Variants in RIT2 observed in about 807,000 individuals in gnomAD.
RIT2 encodes Ras like without CAAX 2.
Under a neutral mutation model 23.7 loss-of-function variants are expected in RIT2, and 24 were observed. The ratio of observed to expected loss-of-function variants is 1.01; its 90% CI spans 0.73 to 1.43. RIT2 has a LOEUF of 1.43. Among genes scored for constraint, RIT2 ranks in the 40% most tolerant of loss-of-function variants. The probability of loss-of-function intolerance (pLI) is 0.00; values close to 1 mark genes in which losing one functional copy is unlikely to be tolerated. For missense variants in RIT2, 236 were observed against 266.9 expected, an observed-to-expected ratio of 0.88 and a Z score of 0.81; for synonymous variants, 107 against 91.1, an observed-to-expected ratio of 1.17 and a Z score of -0.99.
intron 3 of RIT2, among the ~76,000 whole-genome samples, chr18:42,941,094 G>A (rs1344135126): frequency 6.6e-6 from 1 of 152,126 alleles, no homozygotes; most frequent in Non-Finnish European, 1.5e-5. Flanking sequence ...CAACATTTAA[G>A]GGAAAGGAGC....
chr18:42,840,607 T>C (rs780791420), intron 4 of RIT2, among the ~76,000 whole-genome samples: 7 of 152,182 alleles, frequency 4.6e-5, no homozygotes, highest in Non-Finnish European at 8.8e-5. Context: ...GCTCAAGCGA[T>C]TCTCTTGCCT....
At chr18:43,074,109 G>A (rs1456584520) in intron 1 of RIT2, among the ~76,000 whole-genome samples, 1 of 152,134 alleles carries the variant, frequency 6.6e-6, no homozygotes, top group Non-Finnish European at 1.5e-5. Flanking sequence ...CACAATTACA[G>A]ATAGTAACTT....
chr18:42,763,540 G>A (rs1193079652), intron 4 of RIT2, among the ~76,000 whole-genome samples: 1 of 151,660 alleles, frequency 6.6e-6, no homozygotes, highest in Non-Finnish European at 1.5e-5. Context: ...GCTCCCATGA[G>A]TCAGTGAGTG....
intron 2 of RIT2, among the ~76,000 whole-genome samples, chr18:42,985,724 A>G (rs1044164433): frequency 6.6e-6 from 1 of 152,132 alleles, no homozygotes; most frequent in Non-Finnish European, 1.5e-5. Flanking sequence ...TTGCTACCAT[A>G]CACTATATAC....
intron 1 of RIT2, among the ~76,000 whole-genome samples, chr18:43,041,307 T>C (rs957058075): frequency 1.3e-5 from 2 of 152,168 alleles, no homozygotes; most frequent in African/African-American, 4.8e-5. Flanking sequence ...AAATAAAGAA[T>C]GCTTAGTAGA....
chr18:43,070,620 A>G (rs1390474034), intron 1 of RIT2, among the ~76,000 whole-genome samples: 3 of 152,222 alleles, frequency 2.0e-5, no homozygotes, highest in Non-Finnish European at 4.4e-5. Flanking sequence ...TAAGGGAAGC[A>G]GCTTTTATTG....
At chr18:42,793,149 C>G (rs1034298613) in intron 4 of RIT2, among the ~76,000 whole-genome samples, 11 of 152,060 alleles carry the variant, frequency 7.2e-5, no homozygotes, top group Admixed American at 2.6e-4. Context: ...AATATAAGAC[C>G]TGCTAGTAGT....
chr18:42,932,474 A>C (rs1324673797), intron 3 of RIT2, among the ~76,000 whole-genome samples: 3 of 152,132 alleles, frequency 2.0e-5, no homozygotes, highest in African/African-American at 7.2e-5. Flanking sequence ...TTAAGACCCT[A>C]TATAATCTGA....
chr18:42,778,356 T>A (rs1156847800), intron 4 of RIT2, among the ~76,000 whole-genome samples: 2 of 152,234 alleles, frequency 1.3e-5, no homozygotes, highest in African/African-American at 4.8e-5. Context: ...GAAATCTTAC[T>A]GTCATCATTT....
intron 3 of RIT2, among the ~76,000 whole-genome samples, chr18:42,927,369 G>GGGGT (rs1909207484): frequency 6.8e-6 from 1 of 147,834 alleles, no homozygotes; most frequent in African/African-American, 2.5e-5. Flanking sequence ...ATGTGGATGT[G>GGGGT]GTGTGTGTGT....
Position 43,021,250 on chromosome 18 carries a change from G to T in RIT2, c.160+12561C>A, listed in dbSNP as rs139761161. Among the ~76,000 whole-genome samples, 551 of 152,074 alleles carry T rather than the reference G, an allele frequency of 3.6e-3. 3 individuals are homozygous for T. The highest frequency in any genetic ancestry group is 0.011 in the African/African-American group (466 of 41,470). Reference sequence around the variant, plus strand: ...CTCGAAAGGATATTTCTCAATAGATGACACGCAAATGTCCAAGAAGTATAC... The same window carrying T: ...CTCGAAAGGATATTTCTCAATAGATTACACGCAAATGTCCAAGAAGTATAC... On this transcript the variant is annotated intron_variant, in intron 2 of 4. Coordinates refer to ENST00000326695, the MANE Select transcript of RIT2 (RefSeq NM_002930.4).
chr18:42,832,257 C>A (rs1246099521), intron 4 of RIT2, among the ~76,000 whole-genome samples: 2 of 152,160 alleles, frequency 1.3e-5, no homozygotes, highest in African/African-American at 2.4e-5. Flanking sequence ...ATGAAACCAA[C>A]CATTACATTT....
intron 2 of RIT2, among the ~76,000 whole-genome samples, chr18:42,975,127 AT>A (rs1275391149): frequency 6.6e-6 from 1 of 151,974 alleles, no homozygotes; most frequent in South Asian, 2.1e-4. Flanking sequence ...GGCATCTGCT[AT>A]TTTTTTGACT....
intron 1 of RIT2, among the ~76,000 whole-genome samples, chr18:43,044,712 C>T (rs914037147): frequency 1.3e-5 from 2 of 152,114 alleles, no homozygotes; most frequent in African/African-American, 4.8e-5. Context: ...GGTTGAGGGA[C>T]AGATTAGAAA....
At chr18:43,001,322 C>T (rs1911099147) in intron 2 of RIT2, among the ~76,000 whole-genome samples, 1 of 151,754 alleles carries the variant, frequency 6.6e-6, no homozygotes, top group South Asian at 2.1e-4. Context: ...TTTATTGTGG[C>T]TCTAGGGGAC....
At chr18:43,051,766 T>TA (rs1912389927) in intron 1 of RIT2, among the ~76,000 whole-genome samples, 1 of 152,168 alleles carries the variant, frequency 6.6e-6, no homozygotes, top group Non-Finnish European at 1.5e-5. Context: ...AGGAGGGATA[T>TA]AAGCCTTGTT....
At chr18:43,059,559 A>G (rs1333661357) in intron 1 of RIT2, among the ~76,000 whole-genome samples, 1 of 152,154 alleles carries the variant, frequency 6.6e-6, no homozygotes, top group Non-Finnish European at 1.5e-5. Context: ...CTCTCCATCT[A>G]TCTAAATTAA....
intron 2 of RIT2, among the ~76,000 whole-genome samples, chr18:43,024,583 A>G (rs1911667070): frequency 6.6e-6 from 1 of 152,080 alleles, no homozygotes; most frequent in Non-Finnish European, 1.5e-5. Context: ...TAAACTAAAA[A>G]CCTTGAGCAC....
At chr18:42,783,732 TTCTCAA>T (rs1322011526) in intron 4 of RIT2, among the ~76,000 whole-genome samples, 1 of 151,996 alleles carries the variant, frequency 6.6e-6, no homozygotes, top group Non-Finnish European at 1.5e-5. Context: ...TTCCCTGAGT[TTCTCAA>T]TCAGGTAAGT....
Sources: allele counts gnomAD v4.1 joint callset (sites outside exome capture counted in the v4.1 genomes callset), GRCh38; gene constraint gnomAD v4.1.1; transcripts MANE v1.5; gene names NCBI Gene and HGNC (gene_info 2026-07-23, HGNC 2026-07-21).